Variants in FSTL4 observed in about 807,000 individuals in gnomAD.
FSTL4 encodes follistatin-related protein 4.
A neutral mutation model predicts 78.2 loss-of-function variants in FSTL4; 28 were observed. The ratio of observed to expected loss-of-function variants is 0.36; its 90% CI spans 0.27 to 0.49. FSTL4 has a LOEUF of 0.49. Among genes scored for constraint, FSTL4 ranks in the 20% least tolerant of loss-of-function variants. The probability of loss-of-function intolerance (pLI) is 0.98; values close to 1 mark genes in which losing one functional copy is unlikely to be tolerated. For missense variants in FSTL4, 922 were observed against 1,084.9 expected, an observed-to-expected ratio of 0.85 and a Z score of 2.11; for synonymous variants, 422 against 440.5, an observed-to-expected ratio of 0.96 and a Z score of 0.53.
intron 4 of FSTL4, among the ~76,000 whole-genome samples, chr5:133,369,030 T>G (rs1303067162): frequency 1.3e-5 from 2 of 152,128 alleles, no homozygotes; most frequent in African/African-American, 4.8e-5. Context: ...TTGAGCCAAA[T>G]GTAGGTACCC....
At chr5:133,243,620 T>C (rs1031955632) in intron 7 of FSTL4, 1 of 152,272 alleles carries the variant, frequency 6.6e-6, no homozygotes, top group Admixed American at 6.5e-5. Context: ...TGTAGGTGGC[T>C]GTAGGCCCAT....
At chr5:133,337,802 C>G (rs761556674) in intron 4 of FSTL4, among the ~76,000 whole-genome samples, 29 of 152,176 alleles carry the variant, frequency 1.9e-4, no homozygotes, top group Non-Finnish European at 3.4e-4. Flanking sequence ...CATCAGAAAG[C>G]AAACATAAGA....
At position 133,405,931 on chromosome 5, in the gene FSTL4, G is replaced by A. The variant is rs144145771; in HGVS notation, c.161-4945C>T. ...TCTATCCACCCAACAAATATTTACT[G>A]AGCACCTGCTATGTGCCAGTCCCGA... On this transcript the variant is annotated intron_variant, in intron 3 of 15. Transcript: ENST00000265342. Among the ~76,000 whole-genome samples the A allele has an allele frequency of 8.5e-5, 13 of 152,332 alleles. No homozygotes were observed. The East Asian group carries it at 1.9e-3, about 23-fold the overall frequency.
intron 8 of FSTL4, among the ~76,000 whole-genome samples, chr5:133,228,010 T>G (rs1297490998): frequency 6.6e-6 from 1 of 152,164 alleles, no homozygotes; most frequent in African/African-American, 2.4e-5. Context: ...GCAGATCCCT[T>G]GAGCCCACAT....
At chr5:133,675,519 AGG>A in the FSTL4 span, among the ~76,000 whole-genome samples, 1 of 152,294 alleles carries the variant, frequency 6.6e-6, no homozygotes, top group Middle Eastern at 3.4e-3. Flanking sequence ...CAGTGCCCAC[AGG>A]GGTGTTTATG....
chr5:133,325,060 G>A (rs533761018), intron 4 of FSTL4, among the ~76,000 whole-genome samples: 20 of 152,390 alleles, frequency 1.3e-4, no homozygotes, highest in African/African-American at 4.3e-4. Flanking sequence ...CAAGGCAGCT[G>A]CCTGGGAATT....
the FSTL4 span, among the ~76,000 whole-genome samples, chr5:133,657,478 T>G: frequency 6.6e-6 from 1 of 152,206 alleles, no homozygotes; most frequent in African/African-American, 2.4e-5. Flanking sequence ...CATTGCTCAC[T>G]TCAGTGCACA....
the FSTL4 span, among the ~76,000 whole-genome samples, chr5:133,803,110 AC>A: frequency 6.6e-6 from 1 of 152,136 alleles, no homozygotes; most frequent in Admixed American, 6.5e-5. Flanking sequence ...AGAGAGAAAG[AC>A]CATCATTTGT....
intron 4 of FSTL4, among the ~76,000 whole-genome samples, chr5:133,369,741 A>G (rs1755250882): frequency 6.6e-6 from 1 of 152,298 alleles, no homozygotes; most frequent in East Asian, 1.9e-4. Flanking sequence ...TTTGGCCTCA[A>G]ACGACACCAT....
At chr5:133,391,385 A>G (rs962796254) in intron 4 of FSTL4, among the ~76,000 whole-genome samples, 4 of 152,098 alleles carry the variant, frequency 2.6e-5, no homozygotes, top group African/African-American at 9.7e-5. Flanking sequence ...CATGGATCTG[A>G]GCACCTGAGC....
chr5:133,580,004 G>A (rs1346164255), intron 2 of FSTL4, among the ~76,000 whole-genome samples: 1 of 152,182 alleles, frequency 6.6e-6, no homozygotes, highest in African/African-American at 2.4e-5. Context: ...ATTGGGATAA[G>A]CTGAAAACAC....
chr5:133,384,136 C>A (rs1755643543), intron 4 of FSTL4, among the ~76,000 whole-genome samples: 1 of 152,184 alleles, frequency 6.6e-6, no homozygotes, highest in Admixed American at 6.5e-5. Flanking sequence ...GCTTCCCCAC[C>A]CTCCTGCGGA....
the FSTL4 span, among the ~76,000 whole-genome samples, chr5:133,642,508 A>G: frequency 2.0e-5 from 3 of 152,188 alleles, no homozygotes; most frequent in Non-Finnish European, 4.4e-5. Context: ...AAAGACATCC[A>G]TGATACATGA....
chr5:133,733,878 G>A, the FSTL4 span, among the ~76,000 whole-genome samples: 406 of 152,280 alleles, frequency 2.7e-3, 2 homozygotes, highest in African/African-American at 4.9e-3. Flanking sequence ...GCTCTTCCAC[G>A]TGGGCCCACT....
At chr5:133,289,279 C>T (rs1275032243) in intron 6 of FSTL4, among the ~76,000 whole-genome samples, 1 of 152,194 alleles carries the variant, frequency 6.6e-6, no homozygotes, top group East Asian at 1.9e-4. Flanking sequence ...CACTCCTAAT[C>T]CTTCTTCTGA....
chr5:133,262,520 C>T (rs553704157), intron 6 of FSTL4, among the ~76,000 whole-genome samples: 1 of 152,308 alleles, frequency 6.6e-6, no homozygotes, highest in East Asian at 1.9e-4. Context: ...CACAGCTCCT[C>T]CTGTAACCTG....
chr5:133,398,550 T>C (rs934974384), intron 4 of FSTL4, among the ~76,000 whole-genome samples: 1 of 152,306 alleles, frequency 6.6e-6, no homozygotes. Context: ...TGTGCATCTC[T>C]CTACTCTCGG....
At chr5:133,726,127 T>G in the FSTL4 span, among the ~76,000 whole-genome samples, 1 of 152,160 alleles carries the variant, frequency 6.6e-6, no homozygotes, top group African/African-American at 2.4e-5. Context: ...ATCTCCTCCA[T>G]ATGGAACTGA....
the FSTL4 span, among the ~76,000 whole-genome samples, chr5:133,622,351 C>T: frequency 6.6e-6 from 1 of 152,058 alleles, no homozygotes; most frequent in Non-Finnish European, 1.5e-5. Context: ...TATTTGTGTA[C>T]AGGTTATTGT....
Sources: gnomAD v4.1 joint callset for allele counts (sites outside exome capture counted in the v4.1 genomes callset) on GRCh38, gnomAD v4.1.1 for gene constraint, MANE v1.5 for transcripts, NCBI Gene and HGNC (gene_info 2026-07-23, HGNC 2026-07-21) for gene names.